FSIP2: variants seen among roughly 807,000 people sequenced by gnomAD.
FSIP2 encodes fibrous sheath interacting protein 2, also known as fibrous sheath-interacting protein 2.
A neutral mutation model predicts 510.5 loss-of-function variants in FSIP2; 367 were observed. That is an observed-to-expected ratio of 0.72 (90% CI 0.66 to 0.78). The LOEUF (loss-of-function observed/expected upper bound fraction) is 0.78, where lower values mean the gene tolerates loss of function less well. FSIP2 is among the 30% of genes least tolerant of loss of function. The pLI is 0.00. For synonymous variants in FSIP2, 2,601 were observed against 2,732.2 expected (o/e 0.95, Z 1.50); for missense variants, 7,594 against 7,901.7 (o/e 0.96, Z 1.48).
intron 9 of FSIP2, among the ~76,000 whole-genome samples, chr2:185,758,028 T>C (rs1692276271): frequency 6.6e-6 from 1 of 151,200 alleles, no homozygotes; most frequent in African/African-American, 2.4e-5. Flanking sequence ...CAAATAGTAA[T>C]ATGTTCTCAT....
At chr2:185,786,223 A>G (rs933752132) in intron 14 of FSIP2, 29 bp from the exon 15 acceptor site, 11 of 1,469,502 alleles carry the variant, frequency 7.5e-6, no homozygotes, top group Middle Eastern at 1.7e-4. Context: ...ACTCTATGTA[A>G]TAACTAAATG....
intron 13 of FSIP2, among the ~76,000 whole-genome samples, chr2:185,780,868 A>C (rs1692834987): frequency 6.6e-6 from 1 of 152,210 alleles, no homozygotes; most frequent in Non-Finnish European, 1.5e-5. Context: ...CTGTGAACAC[A>C]GATTCATTTT....
rs1693128660 is a variant in FSIP2, at chr2:185,791,570, TA to T, written c.4436del (p.Asn1479IlefsTer4). 1 of 1,534,190 alleles carries T rather than the reference TA, an allele frequency of 6.5e-7. No individual in the cohort carries two copies. The highest frequency in any genetic ancestry group is 1.2e-5 in the South Asian group (1 of 84,040). ...NQKMAAALQSNIQLISKAILD... is the reference protein window; with the variant it reads ...NQKMAAALQSXIQLISKAILD... Reference sequence around the variant, plus strand: ...AGAAAATGGCTGCTGCATTGCAGTCTAATATTCAGTTAATTTCTAAAGCAAT... The same window carrying T: ...AGAAAATGGCTGCTGCATTGCAGTCTATATTCAGTTAATTTCTAAAGCAAT... On this transcript the variant is annotated frameshift_variant, in exon 16 of 23. Transcript: ENST00000424728. LOFTEE classifies it high-confidence loss of function.
At chr2:185,825,528 T>C (rs903480906) in intron 20 of FSIP2, among the ~76,000 whole-genome samples, 1 of 151,818 alleles carries the variant, frequency 6.6e-6, no homozygotes, top group Non-Finnish European at 1.5e-5. Context: ...CTCACCATTA[T>C]GCAATATATC....
Position 185,833,200 on chromosome 2 carries a change from T to TCAC in FSIP2, c.20701_20703dup (p.Pro6901dup). 1 of 1,610,656 alleles carries TCAC rather than the reference T, an allele frequency of 6.2e-7. No individual in the cohort carries two copies. Among genetic ancestry groups the TCAC allele is most frequent in the Non-Finnish European group, 8.5e-7 (1 of 1,178,042 alleles). ...TAACACCAATATTTCCAGATCTTCCTCACCAGCTCACCAGGATGAACACTG... is the reference window on the plus strand; with the variant it reads ...TAACACCAATATTTCCAGATCTTCCTCACCACCAGCTCACCAGGATGAACACTG... On this transcript the variant is annotated inframe_insertion, in exon 23 of 23. Coordinates refer to ENST00000424728, the MANE Select transcript of FSIP2 (RefSeq NM_173651.4).
chr2:185,743,461 C>T (rs1193643651), intron 3 of FSIP2, among the ~76,000 whole-genome samples, 167 bp downstream of exon 3: 1 of 152,178 alleles, frequency 6.6e-6, no homozygotes, highest in Non-Finnish European at 1.5e-5. Context: ...CAAGAGAAAT[C>T]AGACAACAGT....
chr2:185,760,683 C>G (rs907951836), intron 9 of FSIP2, among the ~76,000 whole-genome samples: 2 of 150,286 alleles, frequency 1.3e-5, no homozygotes, highest in African/African-American at 4.9e-5. Context: ...CAACGTTGTC[C>G]TGAGTGAAAG....
chr2:185,796,296 G>A lies in FSIP2; in HGVS notation c.9160G>A (p.Glu3054Lys), dbSNP rs113126718. Residue 3054 changes from glutamate to lysine, a missense_variant, in exon 16 of 23, where the codon GAG becomes AAG. Glu to Lys is a moderately conservative substitution (Grantham distance 56, BLOSUM62 1). Coordinates refer to ENST00000424728, the MANE Select transcript of FSIP2 (RefSeq NM_173651.4). Reference sequence around the variant, plus strand: ...ACTGAAAATGTTTTCTGATAAATCCGAGTCAAATACTATTAATTTCAAGGA... The same window carrying A: ...ACTGAAAATGTTTTCTGATAAATCCAAGTCAAATACTATTAATTTCAAGGA... ...QPLKMFSDKSESNTINFKENI... is the reference protein window; with the variant it reads ...QPLKMFSDKSKSNTINFKENI... 3.3e-4 allele frequency: 506 copies of A among 1,533,146 alleles called. 1 individual carries two copies. The African/African-American group carries it at 6.0e-3, about 18-fold the overall frequency. 95.0% of individuals were successfully genotyped at this position (1,533,146 alleles called of 1,614,324 possible).
chr2:185,821,550 T>C (rs577937196), intron 19 of FSIP2, among the ~76,000 whole-genome samples: 1 of 151,934 alleles, frequency 6.6e-6, no homozygotes, highest in South Asian at 2.1e-4. Context: ...CTAACCAAAT[T>C]CATCAGTATA....
intron 16 of FSIP2, among the ~76,000 whole-genome samples, chr2:185,797,953 A>T (rs1693330964): frequency 6.6e-6 from 1 of 151,868 alleles, no homozygotes; most frequent in Admixed American, 6.6e-5. Context: ...GGCCCCTCAA[A>T]GTGTTGGGAT....
chr2:185,782,589 G>C (rs1692875576), intron 13 of FSIP2, 116 bp from the exon 14 acceptor site: 2 of 684,326 alleles, frequency 2.9e-6, no homozygotes, highest in Non-Finnish European at 5.2e-6. Flanking sequence ...GAGAGTCCCT[G>C]AAAGCCTGTA....
chr2:185,753,197 G>A (rs1302999991), intron 7 of FSIP2, among the ~76,000 whole-genome samples: 4 of 151,146 alleles, frequency 2.6e-5, no homozygotes, highest in Non-Finnish European at 5.9e-5. Context: ...TGTAGTCTTG[G>A]GTAGTTTTTT....
intron 15 of FSIP2, among the ~76,000 whole-genome samples, chr2:185,787,127 T>A (rs1693007065): frequency 6.6e-6 from 1 of 151,868 alleles, no homozygotes; most frequent in Non-Finnish European, 1.5e-5. Flanking sequence ...ATAATTTATA[T>A]GTGTTGTAGT....
Position 185,796,981 on chromosome 2 carries a change from A to G in FSIP2, c.9845A>G (p.Glu3282Gly). ...KLLRKASDSTEAALKQVLSFI... is the reference protein window; with the variant it reads ...KLLRKASDSTGAALKQVLSFI... ...CTTAGGAAAGCAAGTGACTCCACAG[A>G]AGCAGCATTAAAGCAAGTCTTGTCA... Residue 3282 changes from glutamate (E) to glycine (G), a missense_variant, in exon 16 of 23, where the codon GAA becomes GGA. Physicochemically the swap from Glu to Gly is moderately conservative, Grantham distance 98 (BLOSUM62 -2). Coordinates refer to ENST00000424728, the MANE Select transcript of FSIP2 (RefSeq NM_173651.4). 6.5e-7 allele frequency: 1 copy of G among 1,535,108 alleles called. No homozygotes were observed. Among genetic ancestry groups the G allele is most frequent in the East Asian group, 2.4e-5 (1 of 40,840 alleles).
chr2:185,825,492 G>T (rs2105685254), intron 20 of FSIP2, among the ~76,000 whole-genome samples: 1 of 151,748 alleles, frequency 6.6e-6, no homozygotes. Flanking sequence ...CACTATTTGG[G>T]TGATAGGTAC....
rs1693503428 is a variant in FSIP2 at position 185,804,021 on chromosome 2, C to T, written c.14715C>T (p.Asn4905=). ...GTTTTATAATAAAAGAAATCTTTAA[C>T]CATCATATTCAATCATTTTTATCTG... The part of the protein sequence containing the change: ...IASFIIKEIF[N]HHIQSFLSED... Residue 4905 remains asparagine (N), a synonymous_variant, in exon 17 of 23, where the codon AAC becomes AAT. Transcript: ENST00000424728. 4 of 1,499,342 alleles carry T rather than the reference C, an allele frequency of 2.7e-6. No individual in the cohort carries two copies. The highest frequency in any genetic ancestry group is 2.8e-5 in the African/African-American group (2 of 71,048). The allele number at this position is 1,499,342 out of a possible 1,614,324, so 92.9% of individuals were successfully genotyped here.
rs546038705 is a variant in FSIP2 at position 185,797,346 on chromosome 2, C to T, written c.10210C>T (p.Arg3404Trp). 425 of 1,527,392 alleles carry T rather than the reference C, an allele frequency of 2.8e-4. 1 individual carries two copies. Among genetic ancestry groups the T allele is most frequent in the Non-Finnish European group, 3.5e-4 (401 of 1,144,446 alleles). The allele number at this position is 1,527,392 out of a possible 1,614,324, so 94.6% of individuals were successfully genotyped here. A position where few individuals can be genotyped will look rare whatever the true frequency, so the allele number is the denominator to read the frequency against. The stretch of plus-strand genomic sequence containing the variant: ...AGAAAATGAAAACCTTGAAGCCAGC[C>T]GGGAAGATTCTTCTTTTTTGCAAAA... Reference protein sequence around the residue: ...EEENENLEASREDSSFLQKLK... With the variant: ...EEENENLEASWEDSSFLQKLK... The change falls in exon 16 of 23, where the codon CGG becomes TGG. Residue 3404 changes from arginine (R) to tryptophan (W), a missense_variant. Physicochemically the swap from Arg to Trp is moderately radical, Grantham distance 101 (BLOSUM62 -3). Coordinates refer to ENST00000424728, the MANE Select transcript of FSIP2 (RefSeq NM_173651.4).
intron 8 of FSIP2, among the ~76,000 whole-genome samples, chr2:185,754,534 T>C (rs978790470): frequency 7.9e-5 from 12 of 151,466 alleles, no homozygotes; most frequent in African/African-American, 2.9e-4. Flanking sequence ...CTAGCCTCTG[T>C]TGAGTCTTCT....
chr2:185,793,549 C>A lies in FSIP2; in HGVS notation c.6413C>A (p.Ala2138Glu). The change falls in exon 16 of 23, where the codon GCA becomes GAA. Residue 2138 changes from alanine to glutamate, a missense_variant. Transcript: ENST00000424728. ...AATTCTGAAATGTTCATGGAGGGTG[C>A]AAATAAGATTATTCCTAAGCTTTCA... The part of the protein sequence containing the change: ...EENSEMFMEG[A>E]NKIIPKLSVP... 4.6e-6 allele frequency: 7 copies of A among 1,534,084 alleles called. No homozygotes were observed. Among genetic ancestry groups the A allele is most frequent in the Non-Finnish European group, 6.1e-6 (7 of 1,145,520 alleles).
Sources: gnomAD v4.1 joint callset for allele counts (sites outside exome capture counted in the v4.1 genomes callset) on GRCh38, gnomAD v4.1.1 for gene constraint, MANE v1.5 for transcripts, NCBI Gene and HGNC (gene_info 2026-07-23, HGNC 2026-07-21) for gene names.